DAB1: variants seen among roughly 807,000 people sequenced by gnomAD.
The protein encoded by DAB1 is disabled homolog 1.
DAB1 carries 15 observed loss-of-function variants against 64.6 expected under a neutral mutation model. The observed-to-expected ratio is 0.23, with a 90% confidence interval of 0.16 to 0.36. The LOEUF is 0.36. Among genes scored for constraint, DAB1 ranks in the 10% least tolerant of loss-of-function variants. The pLI is 1.00. For synonymous variants in DAB1, 235 were observed against 251.9 expected (o/e 0.93, Z 0.64); for missense variants, 596 against 706.7 (o/e 0.84, Z 1.78).
At chr1:57,566,912 CCTAA>C (rs1384835521) in intron 7 of DAB1, among the ~76,000 whole-genome samples, 4 of 152,122 alleles carry the variant, frequency 2.6e-5, no homozygotes, top group African/African-American at 9.7e-5. Flanking sequence ...GGGAATCCTC[CCTAA>C]CTCATTTTTT....
At chr1:58,082,084 T>C (rs1474127819) in intron 5 of DAB1, among the ~76,000 whole-genome samples, 1 of 152,220 alleles carries the variant, frequency 6.6e-6, no homozygotes, top group African/African-American at 2.4e-5. Context: ...AGAAGGACCA[T>C]GACTTGCCCA....
chr1:57,812,486 G>A (rs1651676571), intron 6 of DAB1, among the ~76,000 whole-genome samples: 1 of 152,124 alleles, frequency 6.6e-6, no homozygotes, highest in African/African-American at 2.4e-5. Flanking sequence ...CAACAGTGGA[G>A]GCGAAGGAAG....
intron 2 of DAB1, among the ~76,000 whole-genome samples, chr1:57,163,045 T>A (rs1660904203): frequency 6.6e-6 from 1 of 152,214 alleles, no homozygotes; most frequent in Non-Finnish European, 1.5e-5. Flanking sequence ...CAGCCTAATA[T>A]TCATTCATTC....
intron 7 of DAB1, among the ~76,000 whole-genome samples, chr1:57,552,041 T>A (rs1644920115): frequency 6.6e-6 from 1 of 152,186 alleles, no homozygotes; most frequent in South Asian, 2.1e-4. Context: ...GGAAAGCTTC[T>A]CCTAGGCATC....
At chr1:57,233,645 G>A (rs995314677) in intron 2 of DAB1, among the ~76,000 whole-genome samples, 3 of 151,504 alleles carry the variant, frequency 2.0e-5, no homozygotes, top group Non-Finnish European at 2.9e-5. Context: ...TGTAATCCCA[G>A]CTACTCAGGA....
chr1:58,193,575 G>C (rs1278916405), intron 4 of DAB1, among the ~76,000 whole-genome samples: 3 of 152,160 alleles, frequency 2.0e-5, no homozygotes, highest in Non-Finnish European at 4.4e-5. Flanking sequence ...CTAAGTTACG[G>C]CCAGGCGCAG....
intron 4 of DAB1, among the ~76,000 whole-genome samples, chr1:58,223,817 A>C (rs1424003559): frequency 6.6e-6 from 1 of 152,198 alleles, no homozygotes; most frequent in Non-Finnish European, 1.5e-5. Context: ...TGTACAATAT[A>C]AGGCATCCAG....
At chr1:57,635,324 C>T (rs965498239) in intron 7 of DAB1, among the ~76,000 whole-genome samples, 5 of 152,138 alleles carry the variant, frequency 3.3e-5, no homozygotes, top group African/African-American at 9.7e-5. Context: ...AGGCACTGAG[C>T]CGCATAGTAG....
intron 7 of DAB1, among the ~76,000 whole-genome samples, chr1:57,503,952 T>C (rs1178775582): frequency 6.6e-6 from 1 of 152,222 alleles, no homozygotes; most frequent in African/African-American, 2.4e-5. Context: ...AACAGGGTCT[T>C]CACCGGATTG....
chr1:57,820,577 T>A (rs1408712722), intron 6 of DAB1, among the ~76,000 whole-genome samples: 1 of 152,248 alleles, frequency 6.6e-6, no homozygotes, highest in Non-Finnish European at 1.5e-5. Context: ...CTGGTTTAAA[T>A]ACATTTCGAA....
intron 5 of DAB1, among the ~76,000 whole-genome samples, chr1:58,139,077 G>A (rs1314605005): frequency 6.6e-6 from 1 of 152,156 alleles, no homozygotes; most frequent in Non-Finnish European, 1.5e-5. Flanking sequence ...ATCTCAGCCA[G>A]TATTATAGAC....
intron 2 of DAB1, among the ~76,000 whole-genome samples, chr1:57,223,536 G>C (rs112808858): frequency 2.0e-5 from 3 of 152,240 alleles, no homozygotes; most frequent in African/African-American, 7.2e-5. Context: ...GCAGAGCTAC[G>C]TACATCATTA....
chr1:57,015,573 A>G, intron 11 of DAB1, 142 bp from the exon 12 acceptor site: 4 of 730,454 alleles, frequency 5.5e-6, no homozygotes, highest in Non-Finnish European at 8.9e-6. Context: ...TGCCAAGATG[A>G]ACAAGACAAA....
At chr1:57,467,680 G>T (rs1468829873) in intron 7 of DAB1, among the ~76,000 whole-genome samples, 3 of 152,120 alleles carry the variant, frequency 2.0e-5, no homozygotes. Flanking sequence ...CACAGTGCTA[G>T]ATGGTATATG....
At chr1:58,026,381 C>T (rs1445897199) in intron 5 of DAB1, among the ~76,000 whole-genome samples, 1 of 152,166 alleles carries the variant, frequency 6.6e-6, no homozygotes, top group Non-Finnish European at 1.5e-5. Context: ...AAGAGGGTCA[C>T]ATTATTAAGA....
At chr1:57,354,593 T>C (rs1243253408) in intron 1 of DAB1, among the ~76,000 whole-genome samples, 1 of 152,094 alleles carries the variant, frequency 6.6e-6, no homozygotes, top group Admixed American at 6.6e-5. Flanking sequence ...ATTCTCTTTC[T>C]AAACAGTGGC....
intron 4 of DAB1, among the ~76,000 whole-genome samples, chr1:57,128,152 A>AAAATAAATAAAT (rs141430592): frequency 1.9e-5 from 2 of 103,194 alleles, no homozygotes; most frequent in Non-Finnish European, 3.9e-5. Flanking sequence ...TCAAAAAATA[A>AAAATAAATAAAT]AAATAAATAA....
At chr1:57,405,338 C>T (rs1683546783) in intron 1 of DAB1, among the ~76,000 whole-genome samples, 1 of 152,200 alleles carries the variant, frequency 6.6e-6, no homozygotes, top group Non-Finnish European at 1.5e-5. Flanking sequence ...CCAATTTGCA[C>T]CATTCGGCTA....
At chr1:58,129,668 C>T (rs1653391344) in intron 5 of DAB1, among the ~76,000 whole-genome samples, 1 of 144,052 alleles carries the variant, frequency 6.9e-6, no homozygotes, top group Non-Finnish European at 1.5e-5. Context: ...TCTTTGTTCT[C>T]GTTGGTTTCA....
Sources: allele counts gnomAD v4.1 joint callset (sites outside exome capture counted in the v4.1 genomes callset), GRCh38; gene constraint gnomAD v4.1.1; transcripts MANE v1.5; gene names NCBI Gene and HGNC (gene_info 2026-07-23, HGNC 2026-07-21).